Variants in USP40 observed in about 807,000 individuals in gnomAD.
USP40 encodes the protein ubiquitin carboxyl-terminal hydrolase 40.
A neutral mutation model predicts 166.2 loss-of-function variants in USP40; 143 were observed. The observed-to-expected ratio is 0.86, with a 90% CI of 0.75 to 0.99. USP40 has a LOEUF of 0.99. Among genes scored for constraint, USP40 ranks in the 50% least tolerant of loss-of-function variants. The pLI is 0.00. For missense variants in USP40, 1,444 were observed against 1,479.7 expected, an observed-to-expected ratio of 0.98 and a Z score of 0.40; for synonymous variants, 498 against 524.0, an observed-to-expected ratio of 0.95 and a Z score of 0.68.
intron 6 of USP40, among the ~76,000 whole-genome samples, chr2:233,553,977 A>G (rs1230139274): frequency 6.6e-6 from 1 of 152,232 alleles, no homozygotes; most frequent in Non-Finnish European, 1.5e-5. Flanking sequence ...AGAGTGAGGA[A>G]GAACATATGT....
chr2:233,540,677 A>G lies in USP40; in HGVS notation c.1155T>C (p.His385=), dbSNP rs764089848. 1.1e-5 allele frequency: 18 copies of G among 1,612,076 alleles called. No homozygotes were observed. The Admixed American group carries it at 2.8e-4, about 25-fold the overall frequency. The change falls in exon 10 of 32, where the codon CAT becomes CAC. Residue 385 remains histidine, a synonymous_variant. Transcript: ENST00000678225. The part of the protein sequence containing the change: ...ISWNKKYRKQ[H]GPLRKFLQLH... ...CATGTATTACCTTCCGCAGTGGTCC[A>G]TGCTGTTTTCTGTACTTCTTGTTCC... is the stretch of plus-strand genomic sequence containing the variant.
At chr2:233,500,876 G>C (rs1399214997) in intron 21 of USP40, among the ~76,000 whole-genome samples, 1 of 152,082 alleles carries the variant, frequency 6.6e-6, no homozygotes, top group Non-Finnish European at 1.5e-5. Context: ...AGGTCTGGAG[G>C]GACACATACT....
At chr2:233,478,877 G>A (rs916897282) in intron 31 of USP40, among the ~76,000 whole-genome samples, 2 of 152,198 alleles carry the variant, frequency 1.3e-5, no homozygotes, top group African/African-American at 2.4e-5. Context: ...TGCAGGTGAC[G>A]GTCACGCTGG....
chr2:233,516,780 CCAGGAG>C (rs2067229567), intron 18 of USP40, among the ~76,000 whole-genome samples: 1 of 151,238 alleles, frequency 6.6e-6, no homozygotes, highest in African/African-American at 2.4e-5. Flanking sequence ...TCGCTTGAAC[CCAGGAG>C]ACAGAGGTTG....
chr2:233,558,999 A>G lies in USP40; in HGVS notation c.381+812T>C, dbSNP rs75376968. Among the ~76,000 whole-genome samples the G allele has an allele frequency of 6.3e-3, 964 of 152,338 alleles. 22 individuals carry two copies. The East Asian group carries it at 0.084, about 13-fold the overall frequency. ...TTCAGAGTTTACCATTAAAGGCAAT[A>G]TAACAGTATTCCTATCGTTTGCTCT... On this transcript the variant is annotated intron_variant, in intron 4 of 31. Coordinates refer to ENST00000678225, the MANE Select transcript of USP40 (RefSeq NM_001365479.2).
intron 1 of USP40, among the ~76,000 whole-genome samples, chr2:233,566,040 C>T (rs2072112210): frequency 6.6e-6 from 1 of 152,136 alleles, no homozygotes; most frequent in African/African-American, 2.4e-5. Flanking sequence ...GCTTGTCACA[C>T]CCTTCAGTAC....
intron 1 of USP40, 126 bp from the exon 2 acceptor site, chr2:233,565,699 T>C (rs1371575122): frequency 2.3e-6 from 2 of 865,064 alleles, no homozygotes; most frequent in Non-Finnish European, 1.7e-6. Flanking sequence ...CTATGTACAG[T>C]AGTTGGGTTT....
At chr2:233,546,848 A>G (rs1306948276) in intron 8 of USP40, 1 of 152,196 alleles carries the variant, frequency 6.6e-6, no homozygotes, top group Non-Finnish European at 1.5e-5. Context: ...AAATACAAGA[A>G]GGTAGTTTGA....
intron 4 of USP40, among the ~76,000 whole-genome samples, chr2:233,559,119 A>G (rs1428274251): frequency 2.0e-5 from 3 of 152,194 alleles, no homozygotes; most frequent in African/African-American, 7.2e-5. Context: ...TTGGATTTGT[A>G]TAGCTATAAC....
intron 7 of USP40, among the ~76,000 whole-genome samples, chr2:233,550,876 C>A (rs973341174): frequency 6.6e-6 from 1 of 152,172 alleles, no homozygotes; most frequent in African/African-American, 2.4e-5. Flanking sequence ...TTCATCATTA[C>A]ATGTAAAATA....
chr2:233,523,318 C>T lies in USP40; in HGVS notation c.2053G>A (p.Ala685Thr), dbSNP rs2067788770. The T allele has an allele frequency of 6.2e-7, 1 of 1,614,056 alleles. No individual in the cohort carries two copies. Among genetic ancestry groups the T allele is most frequent in the African/African-American group, 1.3e-5 (1 of 75,064 alleles). ...GCACTGTTGATGAAGATGACACCTGCTGGGATTGCTAAGGCTGTGAGGACA... is the reference window on the plus strand; with the variant it reads ...GCACTGTTGATGAAGATGACACCTGTTGGGATTGCTAAGGCTGTGAGGACA... ...GTVLTALAIP[A>T]GVIFINSAGC... is the part of the protein sequence containing the mutation. The change falls in exon 16 of 32, where the codon GCA becomes ACA. Residue 685 changes from alanine to threonine, a missense_variant. Coordinates refer to ENST00000678225, the MANE Select transcript of USP40 (RefSeq NM_001365479.2).
At chr2:233,481,364 A>G (rs1254815445) in intron 30 of USP40, 67 bp from the exon 31 acceptor site, 1 of 1,408,318 alleles carries the variant, frequency 7.1e-7, no homozygotes, top group African/African-American at 1.4e-5. Context: ...TAAAAGAGGC[A>G]TGTCTAAAAA....
At chr2:233,518,067 A>C (rs2067365929) in intron 18 of USP40, among the ~76,000 whole-genome samples, 1 of 151,686 alleles carries the variant, frequency 6.6e-6, no homozygotes, top group South Asian at 2.1e-4. Context: ...GACTACAAAT[A>C]GGGTGTAGTG....
chr2:233,495,603 A>C lies in USP40; in HGVS notation c.2790+1155T>G, dbSNP rs1202680688. Among the ~76,000 whole-genome samples, 5 of 152,152 alleles carry C rather than the reference A, an allele frequency of 3.3e-5. No individual in the cohort carries two copies. The East Asian group carries it at 9.6e-4, about 29-fold the overall frequency. On this transcript the variant is annotated intron_variant, in intron 24 of 31. Coordinates refer to ENST00000678225, the MANE Select transcript of USP40 (RefSeq NM_001365479.2). The stretch of plus-strand genomic sequence containing the variant: ...CCTATTAAAATTCTTCAGTAACAAA[A>C]AATGAGGTGGGAAAAGCTAGCACAC...
At chr2:233,525,381 G>A (rs1382238350) in intron 14 of USP40, 97 bp downstream of exon 14, 2 of 778,154 alleles carry the variant, frequency 2.6e-6, no homozygotes, top group Non-Finnish European at 4.3e-6. Context: ...GAAAGTAGTA[G>A]GTGGGGAAGG....
intron 2 of USP40, among the ~76,000 whole-genome samples, chr2:233,563,910 C>T (rs892352550): frequency 3.3e-5 from 5 of 152,212 alleles, no homozygotes; most frequent in African/African-American, 1.2e-4. Flanking sequence ...ACCCGCCCTA[C>T]ACTTCACCAT....
At chr2:233,511,548 T>G (rs1290444481) in intron 20 of USP40, among the ~76,000 whole-genome samples, 161 bp downstream of exon 20, 3 of 152,230 alleles carry the variant, frequency 2.0e-5, no homozygotes, top group Non-Finnish European at 4.4e-5. Context: ...TATTTTATAT[T>G]TAAACATCTA....
At position 233,496,775 on chromosome 2, in the gene USP40, C is replaced by T. The variant is rs369566596; in HGVS notation, c.2773G>A (p.Gly925Arg). 1.8e-4 allele frequency: 291 copies of T among 1,612,312 alleles called. No individual in the cohort carries two copies. Among genetic ancestry groups the T allele is most frequent in the Non-Finnish European group, 2.3e-4 (275 of 1,179,278 alleles). ...CSGDTLLLIEGQLPPLGFLKV... is the reference protein window; with the variant it reads ...CSGDTLLLIERQLPPLGFLKV... The stretch of plus-strand genomic sequence containing the variant: ...AATCTTACCAGAGGAGGAAGTTGTC[C>T]TTCAATTAAAAGCAAAGTATCTCCA... Residue 925 changes from glycine (G) to arginine (R), a missense_variant, in exon 24 of 32, where the codon GGA becomes AGA. Gly to Arg is a moderately radical substitution (Grantham distance 125, BLOSUM62 -2). Coordinates refer to ENST00000678225, the MANE Select transcript of USP40 (RefSeq NM_001365479.2).
At position 233,556,231 on chromosome 2, in the gene USP40, T is replaced by C. The variant is rs974836447; in HGVS notation, c.546+624A>G. Among the ~76,000 whole-genome samples the C allele has an allele frequency of 9.2e-5, 14 of 152,212 alleles. No individual in the cohort carries two copies. In the East Asian group the frequency reaches 1.4e-3, roughly 15 times the overall value. ...GGATCAGTGATGAATTCAGTGATAA[T>C]TGACTATATAAGATTTGTAGGGCAA... On this transcript the variant is annotated intron_variant, in intron 5 of 31. Coordinates refer to ENST00000678225, the MANE Select transcript of USP40 (RefSeq NM_001365479.2).
Sources: allele counts gnomAD v4.1 joint callset (sites outside exome capture counted in the v4.1 genomes callset), GRCh38; gene constraint gnomAD v4.1.1; transcripts MANE v1.5; gene names NCBI Gene and HGNC (gene_info 2026-07-23, HGNC 2026-07-21).